The following HACL1 variants were observed in gnomAD, a reference collection of about 807,000 sequenced individuals.
HACL1 encodes the protein 2-hydroxyacyl-CoA lyase 1.
Under a neutral mutation model 74.2 loss-of-function variants are expected in HACL1, and 64 were observed. That is an observed-to-expected ratio of 0.86 (90% CI 0.70 to 1.06). The LOEUF is 1.06. Ranked by LOEUF, HACL1 falls within the 50% of genes least tolerant of loss-of-function variation. The pLI, the probability that HACL1 is intolerant of heterozygous loss-of-function variation, is 0.00. For missense variants in HACL1, 728 were observed against 719.7 expected, an observed-to-expected ratio of 1.01 and a Z score of -0.13; for synonymous variants, 230 against 238.8, an observed-to-expected ratio of 0.96 and a Z score of 0.34.
intron 3 of HACL1, 34 bp from the exon 4 acceptor site, chr3:15,591,714 C>A: frequency 2.9e-6 from 4 of 1,369,674 alleles, no homozygotes; most frequent in East Asian, 2.3e-5. Flanking sequence ...AAAATCAGGT[C>A]AAATGTAACA....
intron 14 of HACL1, 112 bp from the exon 15 acceptor site, chr3:15,564,770 T>C (rs1382610042): frequency 1.8e-6 from 1 of 562,270 alleles, no homozygotes; most frequent in Non-Finnish European, 3.2e-6. Flanking sequence ...GCTTTTTGTA[T>C]TATTAGAGGA....
intron 9 of HACL1, among the ~76,000 whole-genome samples, chr3:15,578,350 GA>G (rs1559553428): frequency 6.6e-6 from 1 of 151,976 alleles, no homozygotes; most frequent in African/African-American, 2.4e-5. Context: ...AAATTAAAAA[GA>G]AAAAAGTTAT....
chr3:15,580,132 C>T, intron 8 of HACL1, 87 bp from the exon 9 acceptor site: 1 of 1,087,806 alleles, frequency 9.2e-7, no homozygotes, highest in Non-Finnish European at 1.4e-6. Flanking sequence ...TTGCTTTTTA[C>T]TTATTTATAT....
rs1396868198 is a variant in HACL1 at position 15,579,971 on chromosome 3, G to A, written c.742C>T (p.Pro248Ser). 1.9e-6 allele frequency: 3 copies of A among 1,609,476 alleles called. No individual in the cohort carries two copies. Among genetic ancestry groups the A allele is most frequent in the Non-Finnish European group, 2.6e-6 (3 of 1,176,028 alleles). ...EQYKLPFLPTPMGKGVVPDNH... is the reference protein window; with the variant it reads ...EQYKLPFLPTSMGKGVVPDNH... The stretch of plus-strand genomic sequence containing the variant: ...TCAGGGACAACACCCTTCCCCATAG[G>A]GGTGGGCAAAAATGGCAGTTTATAT... The change falls in exon 9 of 17, where the codon CCT becomes TCT. Residue 248 changes from proline to serine, a missense_variant. Pro to Ser is a moderately conservative substitution (Grantham distance 74). Coordinates refer to ENST00000321169, the MANE Select transcript of HACL1 (RefSeq NM_012260.4).
intron 6 of HACL1, 83 bp from the exon 7 acceptor site, chr3:15,585,425 A>G: frequency 1.3e-6 from 1 of 787,518 alleles, no homozygotes; most frequent in East Asian, 2.6e-5. Context: ...AAAACTGGAA[A>G]ATGAACACTT....
chr3:15,601,459 G>A lies in HACL1; in HGVS notation c.5C>T (p.Pro2Leu). The A allele has an allele frequency of 6.2e-7, 1 of 1,613,046 alleles. No individual in the cohort carries two copies. Among genetic ancestry groups the A allele is most frequent in the African/African-American group, 1.3e-5 (1 of 75,024 alleles). The change falls in exon 1 of 17, where the codon CCG becomes CTG. Residue 2 changes from proline (P) to leucine (L), a missense_variant. Transcript: ENST00000321169. MPDSNFAERSEE... is the reference protein window; with the variant it reads MLDSNFAERSEE... ...GCTGCGCTCTGCGAAGTTACTGTCC[G>A]GCATCTTCCACCGAAAAGCTCTAAG... is the stretch of plus-strand genomic sequence containing the variant.
intron 6 of HACL1, among the ~76,000 whole-genome samples, chr3:15,586,037 C>A (rs1234967992): frequency 6.6e-6 from 1 of 152,044 alleles, no homozygotes; most frequent in African/African-American, 2.4e-5. Context: ...GTCACATCCC[C>A]AAGATGTCTC....
Position 15,591,654 on chromosome 3 carries a change from C to A in HACL1, c.254G>T (p.Gly85Val). Residue 85 changes from glycine to valine, a missense_variant, in exon 4 of 17, where the codon GGC becomes GTC. Physicochemically the swap from Gly to Val is moderately radical, Grantham distance 109 (BLOSUM62 -3). Transcript: ENST00000321169. ...GCCCAAGGCATGGATGAGACCTGGG[C>A]CAGAAACAACAAGGCAGACTCCTGG... is the stretch of plus-strand genomic sequence containing the variant. ...SRPGVCLVVSGPGLIHALGGM... is the reference protein window; with the variant it reads ...SRPGVCLVVSVPGLIHALGGM... 3 of 1,611,734 alleles carry A rather than the reference C, an allele frequency of 1.9e-6. No individual in the cohort carries two copies. The highest frequency in any genetic ancestry group is 2.5e-6 in the Non-Finnish European group (3 of 1,178,196).
At chr3:15,580,105 A>G (rs2063695774) in intron 8 of HACL1, 60 bp from the exon 9 acceptor site, 1 of 1,375,952 alleles carries the variant, frequency 7.3e-7, no homozygotes, top group Admixed American at 2.1e-5. Context: ...GTGACCCTTA[A>G]AAAAGTTCAT....
chr3:15,588,194 G>A (rs1428069304), intron 5 of HACL1, among the ~76,000 whole-genome samples: 2 of 152,110 alleles, frequency 1.3e-5, no homozygotes, highest in East Asian at 3.9e-4. Flanking sequence ...ATGCCCGGCT[G>A]TCTAATGATT....
chr3:15,598,395 T>C lies in HACL1; in HGVS notation c.187-1971A>G, dbSNP rs565791077. Among the ~76,000 whole-genome samples, 3 of 152,324 alleles carry C rather than the reference T, an allele frequency of 2.0e-5. No individual in the cohort carries two copies. In the South Asian group the frequency reaches 6.2e-4, roughly 32 times the overall value. On this transcript the variant is annotated intron_variant, in intron 2 of 16. Coordinates refer to ENST00000321169, the MANE Select transcript of HACL1 (RefSeq NM_012260.4). ...CCATTCACAGGCAGAACAGTGTACATGGTACTTAGAGAGTGGACTCTCGAG... is the reference window on the plus strand; with the variant it reads ...CCATTCACAGGCAGAACAGTGTACACGGTACTTAGAGAGTGGACTCTCGAG...
Position 15,582,863 on chromosome 3 carries a change from T to C in HACL1, c.667+14A>G, listed in dbSNP as rs1284663521. ...TCAAAAGCCTAGCAAGATTTAGAGTTCTATTCATGCTACCTTTCCCGATGA... is the reference window on the plus strand; with the variant it reads ...TCAAAAGCCTAGCAAGATTTAGAGTCCTATTCATGCTACCTTTCCCGATGA... On this transcript the variant is annotated intron_variant, in intron 8 of 16. Coordinates refer to ENST00000321169, the MANE Select transcript of HACL1 (RefSeq NM_012260.4). The C allele has an allele frequency of 2.6e-5, 35 of 1,329,398 alleles. No homozygotes were observed. The East Asian group carries it at 7.8e-4, about 30-fold the overall frequency. 82.4% of individuals were successfully genotyped at this position (1,329,398 alleles called of 1,614,324 possible). A position where few individuals can be genotyped will look rare whatever the true frequency, so the allele number is the denominator to read the frequency against.
intron 3 of HACL1, among the ~76,000 whole-genome samples, chr3:15,592,239 T>TGTATATATGGATCCATATATACGC: frequency 7.0e-6 from 1 of 142,250 alleles, no homozygotes; most frequent in Non-Finnish European, 1.5e-5. Flanking sequence ...CGTATATACG[T>TGTATATATGGATCCATATATACGC]ATACATACGT....
chr3:15,590,700 T>C (rs1254352329), intron 4 of HACL1, among the ~76,000 whole-genome samples: 1 of 152,180 alleles, frequency 6.6e-6, no homozygotes, highest in Non-Finnish European at 1.5e-5. Context: ...CTTGGATCTT[T>C]AAAAAAATAA....
At chr3:15,590,620 A>C (rs1204338712) in intron 4 of HACL1, among the ~76,000 whole-genome samples, 1 of 152,362 alleles carries the variant, frequency 6.6e-6, no homozygotes, top group South Asian at 2.1e-4. Flanking sequence ...CTAAATGAAT[A>C]TAAGAATTTC....
intron 7 of HACL1, among the ~76,000 whole-genome samples, chr3:15,585,044 G>C (rs1440859692): frequency 2.0e-5 from 3 of 152,172 alleles, no homozygotes; most frequent in African/African-American, 7.2e-5. Flanking sequence ...ATTTGGTTTA[G>C]TAATTAAATC....
chr3:15,586,141 G>A (rs1224404530), intron 6 of HACL1, among the ~76,000 whole-genome samples: 4 of 152,116 alleles, frequency 2.6e-5, no homozygotes, highest in Non-Finnish European at 5.9e-5. Context: ...CAACCTGTAT[G>A]CTGTATTAAT....
chr3:15,581,467 C>T (rs1191815506), intron 8 of HACL1, among the ~76,000 whole-genome samples: 1 of 152,162 alleles, frequency 6.6e-6, no homozygotes, highest in African/African-American at 2.4e-5. Context: ...ACCTTAAAAT[C>T]CCTTCTCATA....
intron 12 of HACL1, among the ~76,000 whole-genome samples, chr3:15,570,634 G>A (rs187252993): frequency 1.1e-4 from 16 of 148,032 alleles, no homozygotes; most frequent in African/African-American, 3.7e-4. Flanking sequence ...ACACACACAT[G>A]CACACACACA....
Sources: allele counts gnomAD v4.1 joint callset (sites outside exome capture counted in the v4.1 genomes callset), GRCh38; gene constraint gnomAD v4.1.1; transcripts MANE v1.5; gene names NCBI Gene and HGNC (gene_info 2026-07-23, HGNC 2026-07-21).